COL19A1: variants seen among roughly 807,000 people sequenced by gnomAD.
COL19A1 encodes the protein collagen type XIX alpha 1 chain, also known as collagen alpha-1(XIX) chain.
COL19A1 carries 159 observed loss-of-function variants against 190.2 expected under a neutral mutation model. That is an observed-to-expected ratio of 0.84 (90% CI 0.73 to 0.95). The LOEUF is 0.95. COL19A1 is among the 40% of genes least tolerant of loss of function. The pLI is 0.00. For synonymous variants in COL19A1, 509 were observed against 458.9 expected (o/e 1.11, Z -1.39); for missense variants, 1,418 against 1,431.9 (o/e 0.99, Z 0.16).
At chr6:69,932,487 G>A (rs1772843495) in intron 6 of COL19A1, among the ~76,000 whole-genome samples, 1 of 151,566 alleles carries the variant, frequency 6.6e-6, no homozygotes. Context: ...TAAAACAATA[G>A]CTTTTTTAAA....
At chr6:69,961,329 G>A (rs1288890083) in intron 10 of COL19A1, among the ~76,000 whole-genome samples, 3 of 152,170 alleles carry the variant, frequency 2.0e-5, no homozygotes, top group Non-Finnish European at 2.9e-5. Context: ...GCAATGAAAC[G>A]GCAAGCTTCT....
At chr6:70,035,153 T>A (rs183290725) in intron 13 of COL19A1, among the ~76,000 whole-genome samples, 5 of 152,330 alleles carry the variant, frequency 3.3e-5, no homozygotes, top group African/African-American at 1.2e-4. Context: ...AGGGCTTCCA[T>A]AATGTGCAGC....
chr6:70,111,370 A>G (rs1175079582), intron 16 of COL19A1, among the ~76,000 whole-genome samples: 2 of 152,180 alleles, frequency 1.3e-5, no homozygotes, highest in Non-Finnish European at 2.9e-5. Context: ...CATGGAAGAA[A>G]AGTTGGCAGA....
intron 48 of COL19A1, among the ~76,000 whole-genome samples, 195 bp downstream of exon 48, chr6:70,190,576 T>C (rs1400569196): frequency 6.6e-6 from 1 of 152,210 alleles, no homozygotes; most frequent in Non-Finnish European, 1.5e-5. Flanking sequence ...TCCCTGGAAC[T>C]TCCTTTCATT....
intron 47 of COL19A1, 72 bp downstream of exon 47, chr6:70,188,317 T>C: frequency 6.8e-7 from 1 of 1,465,948 alleles, no homozygotes; most frequent in Non-Finnish European, 9.1e-7. Context: ...ATGAAAGCAA[T>C]GATACTGCCT....
At chr6:69,869,534 C>G (rs1018227055) in intron 1 of COL19A1, among the ~76,000 whole-genome samples, 1 of 151,092 alleles carries the variant, frequency 6.6e-6, no homozygotes, top group Non-Finnish European at 1.5e-5. Context: ...GATCAGAAAA[C>G]CAGTAGAGCC....
chr6:70,174,135 A>G (rs189146910), intron 41 of COL19A1, among the ~76,000 whole-genome samples: 1 of 152,324 alleles, frequency 6.6e-6, no homozygotes, highest in East Asian at 1.9e-4. Context: ...AAGCAAGGCC[A>G]TTAATCTGAG....
chr6:70,147,108 T>C (rs146157418), intron 27 of COL19A1, among the ~76,000 whole-genome samples: 85 of 152,320 alleles, frequency 5.6e-4, no homozygotes, highest in Admixed American at 2.8e-3. Context: ...ACACATACAC[T>C]AAGTTTGGAT....
rs143761517 is a variant in COL19A1 at position 69,881,284 on chromosome 6, G to A, written c.91+1626G>A. On this transcript the variant is annotated intron_variant, in intron 2 of 50. Transcript: ENST00000620364. ...TTGGTTTTCTTTTTTCTTTTCACCT[G>A]GTTACCTTGCATTTTATGCACCATT... Among the ~76,000 whole-genome samples the A allele has an allele frequency of 1.8e-3, 280 of 152,036 alleles. 1 individual carries two copies. Among genetic ancestry groups the A allele is most frequent in the African/African-American group, 6.6e-3 (272 of 41,486 alleles).
At chr6:70,005,643 T>C (rs7757327) in intron 11 of COL19A1, among the ~76,000 whole-genome samples, 23,631 of 152,036 alleles carry the variant, frequency 0.16, 2,166 homozygotes, top group East Asian at 0.29. Flanking sequence ...TTGGGTGGCA[T>C]CGGGAACAGG....
At chr6:70,004,980 C>T (rs1445209460) in intron 11 of COL19A1, among the ~76,000 whole-genome samples, 1 of 151,928 alleles carries the variant, frequency 6.6e-6, no homozygotes, top group Non-Finnish European at 1.5e-5. Flanking sequence ...CTACAGGTGC[C>T]TGCCACCACA....
intron 9 of COL19A1, among the ~76,000 whole-genome samples, chr6:69,938,535 T>C (rs1356157921): frequency 6.6e-6 from 1 of 152,064 alleles, no homozygotes; most frequent in Non-Finnish European, 1.5e-5. Context: ...ATACTTTCTG[T>C]GTATGAGGTA....
chr6:70,171,816 C>A, intron 40 of COL19A1, 148 bp from the exon 41 acceptor site: 1 of 669,118 alleles, frequency 1.5e-6, no homozygotes, highest in South Asian at 1.8e-5. Context: ...TAATACATTA[C>A]TTAAAAATAG....
In COL19A1 at chr6:70,186,463, A is replaced by G. The variant is rs533247634; in HGVS notation, c.2856+1548A>G. ...GGCCTAAGTGCTTTTATTTCTTTCT[A>G]CATGGCTTATTTCCATATCTGATTC... On this transcript the variant is annotated intron_variant, in intron 46 of 50. Transcript: ENST00000620364. Among the ~76,000 whole-genome samples, 15 of 152,320 alleles carry G rather than the reference A, an allele frequency of 9.8e-5. No individual in the cohort carries two copies. In the East Asian group the frequency reaches 2.7e-3, roughly 27 times the overall value.
intron 9 of COL19A1, among the ~76,000 whole-genome samples, chr6:69,955,501 A>G (rs533099102): frequency 1.3e-5 from 2 of 150,670 alleles, no homozygotes; most frequent in South Asian, 4.2e-4. Context: ...GAAGTACAAA[A>G]CTGTATAGTA....
At chr6:69,873,171 T>C (rs1306332555) in intron 1 of COL19A1, among the ~76,000 whole-genome samples, 3 of 151,626 alleles carry the variant, frequency 2.0e-5, no homozygotes, top group Non-Finnish European at 4.4e-5. Flanking sequence ...GAGTTAGGAG[T>C]TTACAGAGCT....
intron 22 of COL19A1, 131 bp downstream of exon 22, chr6:70,142,207 T>C: frequency 2.4e-6 from 2 of 817,078 alleles, no homozygotes. Context: ...CCTGTTTCCA[T>C]GGTGATTTTC....
chr6:70,127,301 G>T (rs765644374), intron 17 of COL19A1, among the ~76,000 whole-genome samples: 13 of 152,124 alleles, frequency 8.5e-5, no homozygotes, highest in Non-Finnish European at 1.3e-4. Context: ...AGAAATGGAG[G>T]CCAGAATGTC....
At chr6:70,137,840 G>T in intron 19 of COL19A1, 93 bp downstream of exon 19, 1 of 1,191,658 alleles carries the variant, frequency 8.4e-7, no homozygotes, top group Non-Finnish European at 1.2e-6. Flanking sequence ...ACGTGCCTTG[G>T]TTGATCCTGT....
Sources: allele counts gnomAD v4.1 joint callset (sites outside exome capture counted in the v4.1 genomes callset), GRCh38; gene constraint gnomAD v4.1.1; transcripts MANE v1.5; gene names NCBI Gene and HGNC (gene_info 2026-07-23, HGNC 2026-07-21).